The following KANSL1L variants were observed in gnomAD, a reference collection of about 807,000 sequenced individuals.
The protein encoded by KANSL1L is KAT8 regulatory NSL complex subunit 1 like, also known as KAT8 regulatory NSL complex subunit 1-like protein.
Under a neutral mutation model 108.6 loss-of-function variants are expected in KANSL1L, and 25 were observed. That is an observed-to-expected ratio of 0.23 (90% CI 0.17 to 0.32). The LOEUF (loss-of-function observed/expected upper bound fraction) is 0.32. KANSL1L is among the 10% of genes least tolerant of loss of function. The probability of loss-of-function intolerance (pLI) is 1.00; values close to 1 mark genes in which losing one functional copy is unlikely to be tolerated. For synonymous variants in KANSL1L, 405 were observed against 395.1 expected (o/e 1.03, Z -0.30); for missense variants, 1,137 against 1,125.7 (o/e 1.01, Z -0.14).
chr2:210,138,838 C>A (rs577125208), intron 2 of KANSL1L, among the ~76,000 whole-genome samples: 5 of 152,230 alleles, frequency 3.3e-5, no homozygotes, highest in East Asian at 1.9e-4. Flanking sequence ...GTGGCTCACA[C>A]CTGTATTCCC....
chr2:210,057,116 G>C (rs938565638), intron 6 of KANSL1L, among the ~76,000 whole-genome samples: 10 of 152,090 alleles, frequency 6.6e-5, no homozygotes, highest in African/African-American at 2.2e-4. Flanking sequence ...TTTAAGATCT[G>C]GTGGGCTGGG....
At chr2:210,123,378 A>G (rs190348265) in intron 3 of KANSL1L, among the ~76,000 whole-genome samples, 23 of 152,294 alleles carry the variant, frequency 1.5e-4, no homozygotes, top group African/African-American at 4.6e-4. Context: ...GTCATTTGCA[A>G]CAACGTGGAT....
At chr2:210,113,067 G>T (rs1339226285) in intron 3 of KANSL1L, among the ~76,000 whole-genome samples, 3 of 152,196 alleles carry the variant, frequency 2.0e-5, no homozygotes, top group African/African-American at 7.2e-5. Flanking sequence ...AGGGATCTGT[G>T]TTCTGATCAC....
At chr2:210,125,210 C>T (rs982364252) in intron 3 of KANSL1L, among the ~76,000 whole-genome samples, 18 of 152,110 alleles carry the variant, frequency 1.2e-4, no homozygotes, top group South Asian at 6.2e-4. Context: ...GCCGAGATTG[C>T]GCCACGGCAC....
Position 210,027,214 on chromosome 2 carries a change from C to T in KANSL1L, c.2451+82G>A, listed in dbSNP as rs182571880. 5.1e-5 allele frequency: 46 copies of T among 897,534 alleles called. No individual in the cohort carries two copies. The Admixed American group carries it at 6.7e-4, about 13-fold the overall frequency. The allele number at this position is 897,534 out of a possible 1,614,324, so 55.6% of individuals were successfully genotyped here. ...GTGTAAGTTAAAGGGCTTATATATT[C>T]CTTTAGTTCCCTGAATGTCAAAGTA... On this transcript the variant is annotated intron_variant, in intron 12 of 14. Coordinates refer to ENST00000281772, the MANE Select transcript of KANSL1L (RefSeq NM_152519.4).
At chr2:210,055,661 A>T (rs1176221346) in intron 6 of KANSL1L, among the ~76,000 whole-genome samples, 5 of 152,176 alleles carry the variant, frequency 3.3e-5, no homozygotes, top group Non-Finnish European at 7.3e-5. Flanking sequence ...TGACAACTGG[A>T]ATAAAGGTGA....
intron 3 of KANSL1L, among the ~76,000 whole-genome samples, chr2:210,113,464 G>A (rs939224243): frequency 5.3e-5 from 8 of 150,488 alleles, no homozygotes; most frequent in Non-Finnish European, 1.2e-4. Context: ...TGCAGAAAGG[G>A]AAAGAATCTG....
rs532445291 is a variant in KANSL1L, at chr2:210,066,563, C to T, written c.1755+8989G>A. Among the ~76,000 whole-genome samples, 3 of 152,284 alleles carry T rather than the reference C, an allele frequency of 2.0e-5. No individual in the cohort carries two copies. The South Asian group carries it at 6.2e-4, about 32-fold the overall frequency. The stretch of plus-strand genomic sequence containing the variant: ...GTATGACACATTTCCAACTCAAAAA[C>T]CTACACGGTGTCACTTTGTTGCCTA... On this transcript the variant is annotated intron_variant, in intron 6 of 14. Transcript: ENST00000281772.
Position 210,026,794 on chromosome 2 carries a change from G to A in KANSL1L, c.2451+502C>T, listed in dbSNP as rs755984258. Among the ~76,000 whole-genome samples, 9 of 151,742 alleles carry A rather than the reference G, an allele frequency of 5.9e-5. No homozygotes were observed. In the East Asian group the frequency reaches 9.7e-4, roughly 16 times the overall value. ...TTTGGCTTTTTTTTCTTTTTGAAAC[G>A]GAGTCTTGCTCTGTTGCCCAGGCTG... On this transcript the variant is annotated intron_variant, in intron 12 of 14. Coordinates refer to ENST00000281772, the MANE Select transcript of KANSL1L (RefSeq NM_152519.4).
rs2093881687 is a variant in KANSL1L, at chr2:210,023,019, T to A, written c.2894A>T (p.Lys965Met). 3 of 1,613,848 alleles carry A rather than the reference T, an allele frequency of 1.9e-6. No homozygotes were observed. The East Asian group carries it at 6.7e-5, about 36-fold the overall frequency. The change falls in exon 15 of 15, where the codon AAG becomes ATG. Residue 965 changes from lysine to methionine, a missense_variant. Lys to Met is a moderately conservative substitution (Grantham distance 95). Coordinates refer to ENST00000281772, the MANE Select transcript of KANSL1L (RefSeq NM_152519.4). ...SVPENGHHPK[K>M]QSDGMEEYKT... ...GTATTCTTCCATTCCATCTGACTGCTTTTTTGGATGGTGGCCATTCTCTGG... is the reference window on the plus strand; with the variant it reads ...GTATTCTTCCATTCCATCTGACTGCATTTTTGGATGGTGGCCATTCTCTGG...
intron 6 of KANSL1L, among the ~76,000 whole-genome samples, chr2:210,067,717 A>G (rs2094476624): frequency 2.7e-4 from 1 of 3,750 alleles, no homozygotes; most frequent in Admixed American, 1.9e-3. Context: ...CCCTGTCTCC[A>G]AAAAAAAAAA....
At chr2:210,045,022 C>T (rs1373515417) in intron 6 of KANSL1L, among the ~76,000 whole-genome samples, 2 of 152,086 alleles carry the variant, frequency 1.3e-5, no homozygotes, top group African/African-American at 4.8e-5. Flanking sequence ...AGCCTGCCTC[C>T]ATCTCCCAAA....
chr2:210,033,234 T>G (rs565299518), intron 8 of KANSL1L, among the ~76,000 whole-genome samples: 2 of 152,260 alleles, frequency 1.3e-5, no homozygotes, highest in East Asian at 3.9e-4. Flanking sequence ...AAACAGCAAA[T>G]GAAAAATCAT....
chr2:210,045,447 T>C (rs1253097323), intron 6 of KANSL1L, among the ~76,000 whole-genome samples: 1 of 152,180 alleles, frequency 6.6e-6, no homozygotes, highest in African/African-American at 2.4e-5. Context: ...GCATTACCAT[T>C]GTTAGGCATT....
At chr2:210,069,104 T>A (rs1575467659) in intron 6 of KANSL1L, among the ~76,000 whole-genome samples, 1 of 152,206 alleles carries the variant, frequency 6.6e-6, no homozygotes, top group Non-Finnish European at 1.5e-5. Flanking sequence ...ATCCTACACT[T>A]TACTTGGAAA....
intron 5 of KANSL1L, among the ~76,000 whole-genome samples, chr2:210,078,482 CATCT>C (rs1313693034): frequency 1.3e-5 from 2 of 152,186 alleles, no homozygotes; most frequent in East Asian, 3.8e-4. Flanking sequence ...GTATCATCAA[CATCT>C]ATCCTCAAAT....
rs1553653252 is a variant in KANSL1L, at chr2:210,079,650, A to ATATGTGTGTGTG, written c.1551-3895_1551-3894insCACACACACATA. Among the ~76,000 whole-genome samples, 10 of 19,542 alleles carry ATATGTGTGTGTG rather than the reference A, an allele frequency of 5.1e-4. 1 individual carries two copies. Among genetic ancestry groups the ATATGTGTGTGTG allele is most frequent in the Non-Finnish European group, 9.1e-4 (10 of 10,982 alleles). The allele number at this position is 19,542 out of a possible 152,430, so 12.8% of individuals were successfully genotyped here. ...TATATATATATATATATATATATAT[A>ATATGTGTGTGTG]TATATATATATATATGTATGTGTGT... On this transcript the variant is annotated intron_variant, in intron 5 of 14. Coordinates refer to ENST00000281772, the MANE Select transcript of KANSL1L (RefSeq NM_152519.4).
At chr2:210,028,127 A>T (rs954023376) in intron 11 of KANSL1L, among the ~76,000 whole-genome samples, 1 of 152,178 alleles carries the variant, frequency 6.6e-6, no homozygotes, top group Non-Finnish European at 1.5e-5. Context: ...TAGGGAGCAG[A>T]TCTGTGTATG....
At chr2:210,159,891 C>A (rs1183507740) in intron 1 of KANSL1L, among the ~76,000 whole-genome samples, 1 of 152,090 alleles carries the variant, frequency 6.6e-6, no homozygotes, top group Non-Finnish European at 1.5e-5. Context: ...AAAAAAATAG[C>A]TGGGTGTGGC....
Sources: gnomAD v4.1 joint callset for allele counts (sites outside exome capture counted in the v4.1 genomes callset) on GRCh38, gnomAD v4.1.1 for gene constraint, MANE v1.5 for transcripts, NCBI Gene and HGNC (gene_info 2026-07-23, HGNC 2026-07-21) for gene names.